Variants in TMEM234 observed in about 807,000 individuals in gnomAD.
TMEM234 encodes the protein chromosome 1 open reading frame 91.
Under a neutral mutation model 17.8 loss-of-function variants are expected in TMEM234, and 21 were observed. The ratio of observed to expected loss-of-function variants is 1.18; its 90% CI spans 0.84 to 1.70. The LOEUF (loss-of-function observed/expected upper bound fraction) is 1.70, where lower values mean the gene tolerates loss of function less well. TMEM234 is among the 40% of genes most tolerant of loss of function. The pLI is 0.00. For synonymous variants in TMEM234, 83 were observed against 73.5 expected, an observed-to-expected ratio of 1.13 and a Z score of -0.66; for missense variants, 137 against 166.9, an observed-to-expected ratio of 0.82 and a Z score of 0.99.
chr1:32,214,767 C>G (rs771534925), downstream of TMEM234: 1 of 1,612,616 alleles, frequency 6.2e-7, no homozygotes, highest in East Asian at 2.2e-5. Flanking sequence ...GGCCAGCAAT[C>G]AGGGTCCAAG....
intron 3 of TMEM234, among the ~76,000 whole-genome samples, chr1:32,218,467 T>C (rs894292790): frequency 6.6e-6 from 1 of 151,668 alleles, no homozygotes; most frequent in African/African-American, 2.4e-5. Context: ...ACTTAAAATT[T>C]GTTGAGGGTA....
At chr1:32,215,736 C>A, downstream of TMEM234, 1 of 1,355,168 alleles carries the variant, frequency 7.4e-7, no homozygotes, top group South Asian at 1.3e-5. Flanking sequence ...TGGGGACCTC[C>A]TGGCTGAGAG....
At chr1:32,217,568 T>G in intron 3 of TMEM234, 9 of 1,043,362 alleles carry the variant, frequency 8.6e-6, no homozygotes, top group Non-Finnish European at 1.3e-5. Context: ...CTCTGAGGTC[T>G]GGGACCAGCC....
chr1:32,215,848 C>T, downstream of TMEM234: 1 of 1,552,950 alleles, frequency 6.4e-7, no homozygotes, highest in Non-Finnish European at 8.7e-7. Context: ...GAAAACCAGC[C>T]TGGGGCTGGG....
At chr1:32,221,339 CTT>C in intron 2 of TMEM234, 142 bp from the exon 3 acceptor site, 1 of 670,710 alleles carries the variant, frequency 1.5e-6, no homozygotes, top group Non-Finnish European at 2.6e-6. Flanking sequence ...AAGGAGGATC[CTT>C]CCAGGGCAAA....
chr1:32,222,215 C>A, intron 1 of TMEM234, 92 bp downstream of exon 1: 1 of 1,510,888 alleles, frequency 6.6e-7, no homozygotes. Context: ...GGGGTTGTAG[C>A]AGGGGTCGGG....
At position 32,222,031 on chromosome 1, in the gene TMEM234, G is replaced by C; in HGVS notation, c.17-13C>G. On this transcript the variant is annotated splice_polypyrimidine_tract_variant and intron_variant, in intron 1 of 4. Coordinates refer to ENST00000309777, the MANE Select transcript of TMEM234 (RefSeq NM_019118.5). ...GCCAACACCTGCCCTGAATGCAGACGAGTGAGTCACCCTGACCCCCACCCC... is the reference window on the plus strand; with the variant it reads ...GCCAACACCTGCCCTGAATGCAGACCAGTGAGTCACCCTGACCCCCACCCC... The C allele has an allele frequency of 6.2e-7, 1 of 1,605,032 alleles. No individual in the cohort carries two copies. The highest frequency in any genetic ancestry group is 1.3e-5 in the African/African-American group (1 of 74,880).
chr1:32,214,927 C>T (rs762924298), downstream of TMEM234: 3 of 1,613,972 alleles, frequency 1.9e-6, no homozygotes, highest in Admixed American at 3.3e-5. Context: ...CTCTCATTCC[C>T]ATCAGGTGAG....
intron 3 of TMEM234, among the ~76,000 whole-genome samples, chr1:32,218,200 G>A (rs909791038): frequency 1.8e-4 from 28 of 152,278 alleles, no homozygotes; most frequent in Admixed American, 4.6e-4. Flanking sequence ...TGAGGCGGGC[G>A]GATCACCTGA....
At position 32,216,276 on chromosome 1, in the gene TMEM234, C is replaced by G; in HGVS notation, c.*577G>C. ...TCAGGTGGGGCTGGGGCTCACAGCT[C>G]TCTACCTGTTTAAGAGGGGCTGGCA... is the stretch of plus-strand genomic sequence containing the variant. On this transcript the variant is annotated 3_prime_UTR_variant, in exon 5 of 5. Transcript: ENST00000309777. 1.4e-6 allele frequency: 2 copies of G among 1,481,044 alleles called. No homozygotes were observed. The highest frequency in any genetic ancestry group is 2.7e-5 in the South Asian group (2 of 74,758). 91.7% of individuals were successfully genotyped at this position (1,481,044 alleles called of 1,614,324 possible). A position where few individuals can be genotyped will look rare whatever the true frequency, so the allele number is the denominator to read the frequency against.
At position 32,217,335 on chromosome 1, in the gene TMEM234, C is replaced by T. The variant is rs1282774442; in HGVS notation, c.252G>A (p.Val84=). 1.2e-6 allele frequency: 2 copies of T among 1,610,928 alleles called. No individual in the cohort carries two copies. Among genetic ancestry groups the T allele is most frequent in the African/African-American group, 1.3e-5 (1 of 74,886 alleles). Residue 84 remains valine (V), a synonymous_variant, in exon 4 of 5, where the codon GTG becomes GTA. Transcript: ENST00000309777. The stretch of plus-strand genomic sequence containing the variant: ...TGATAGCCAGAGAGTTACAGATGGG[C>T]ACAGCCAGGGTCAGATCTGGGTGGT... The part of the protein sequence containing the change: ...TLASTDLTLA[V]PICNSLAIIF...
In TMEM234 at chr1:32,217,179, G is replaced by A. The variant is rs573204213; in HGVS notation, c.328+80C>T. On this transcript the variant is annotated intron_variant, in intron 4 of 4. Coordinates refer to ENST00000309777, the MANE Select transcript of TMEM234 (RefSeq NM_019118.5). ...GCCGTGTCCTCACCCACTCTGGGGA[G>A]ATGGGTTCTGGGAAGGAACTAACAC... 16 of 1,612,944 alleles carry A rather than the reference G, an allele frequency of 9.9e-6. No homozygotes were observed. In the African/African-American group the frequency reaches 1.9e-4, roughly 19 times the overall value.
At chr1:32,222,236 G>A in intron 1 of TMEM234, 71 bp downstream of exon 1, 1 of 1,524,842 alleles carries the variant, frequency 6.6e-7, no homozygotes, top group South Asian at 1.3e-5. Context: ...GTTAGAGGGT[G>A]GATGTGGAGC....
chr1:32,215,470 G>A (rs375062766), downstream of TMEM234: 15 of 1,613,320 alleles, frequency 9.3e-6, no homozygotes, highest in African/African-American at 5.3e-5. Flanking sequence ...GCTCCCCACC[G>A]AAGGAAGGAG....
rs561089109 is a variant in TMEM234 at position 32,220,286 on chromosome 1, C to T, written c.235+845G>A. ...CCGCCTCCCAGGTTCAAGCCATTCT[C>T]GCGCCTCAGCCTCCCAAGTAGCTGG... On this transcript the variant is annotated intron_variant, in intron 3 of 4. Transcript: ENST00000309777. Among the ~76,000 whole-genome samples, 6 of 152,296 alleles carry T rather than the reference C, an allele frequency of 3.9e-5. No individual in the cohort carries two copies. The South Asian group carries it at 8.3e-4, about 21-fold the overall frequency.
intron 2 of TMEM234, 88 bp downstream of exon 2, chr1:32,221,776 AGTG>A (rs1638933917): frequency 6.5e-7 from 1 of 1,531,016 alleles, no homozygotes; most frequent in East Asian, 2.3e-5. Flanking sequence ...CTAGTGAGTA[AGTG>A]GTGGGGCTGA....
chr1:32,221,237 A>C (rs752323163), intron 2 of TMEM234, 40 bp from the exon 3 acceptor site: 1 of 1,473,112 alleles, frequency 6.8e-7, no homozygotes, highest in Non-Finnish European at 9.5e-7. Flanking sequence ...TGATGGCCTG[A>C]CTGAGCAGCA....
intron 3 of TMEM234, 55 bp downstream of exon 3, chr1:32,221,076 C>A: frequency 6.8e-7 from 1 of 1,474,448 alleles, no homozygotes. Flanking sequence ...CCCCCCCAAT[C>A]ACTCTTCCAG....
chr1:32,222,336 T>A lies in TMEM234; in HGVS notation c.-14A>T. On this transcript the variant is annotated 5_prime_UTR_variant, in exon 1 of 5. Transcript: ENST00000309777. ...AGACGCCGCCATGGCAACGCCGCTG[T>A]CTTCTACTTCCGGGAACGAAGGGGC... The A allele has an allele frequency of 1.3e-6, 2 of 1,563,870 alleles. No homozygotes were observed. Among genetic ancestry groups the A allele is most frequent in the South Asian group, 1.2e-5 (1 of 85,190 alleles).
Sources: gnomAD v4.1 joint callset for allele counts (sites outside exome capture counted in the v4.1 genomes callset) on GRCh38, gnomAD v4.1.1 for gene constraint, MANE v1.5 for transcripts, NCBI Gene and HGNC (gene_info 2026-07-23, HGNC 2026-07-21) for gene names.